GLIPR1L1: variants seen among roughly 807,000 people sequenced by gnomAD.
GLIPR1L1 encodes GLIPR1 like 1.
A neutral mutation model predicts 29.9 loss-of-function variants in GLIPR1L1; 26 were observed. That is an observed-to-expected ratio of 0.87 (90% CI 0.64 to 1.21). The LOEUF is 1.21. GLIPR1L1 is among the 50% of genes most tolerant of loss of function. The pLI is 0.00. For missense variants in GLIPR1L1, 305 were observed against 290.3 expected, an observed-to-expected ratio of 1.05 and a Z score of -0.37; for synonymous variants, 77 against 97.5, an observed-to-expected ratio of 0.79 and a Z score of 1.24.
intron 3 of GLIPR1L1, among the ~76,000 whole-genome samples, chr12:75,355,970 G>A (rs1036114435): frequency 1.3e-5 from 2 of 152,124 alleles, no homozygotes; most frequent in Admixed American, 1.3e-4. Flanking sequence ...ACACACTGGG[G>A]CCTGTTGGGG....
At chr12:75,364,728 C>A (rs2043849954) in intron 4 of GLIPR1L1, 1 of 152,112 alleles carries the variant, frequency 6.6e-6, no homozygotes, top group Non-Finnish European at 1.5e-5. Context: ...TTATTAAAAC[C>A]TTTTAAGCTA....
chr12:75,349,697 C>A (rs1377611607), intron 3 of GLIPR1L1, among the ~76,000 whole-genome samples: 2 of 151,528 alleles, frequency 1.3e-5, no homozygotes, highest in Non-Finnish European at 2.9e-5. Context: ...TTAGACATTC[C>A]AGAAAAAAAG....
intron 4 of GLIPR1L1, among the ~76,000 whole-genome samples, chr12:75,364,163 G>T (rs2043807844): frequency 6.6e-6 from 1 of 152,170 alleles, no homozygotes. Context: ...ATCTGTATTG[G>T]TGTTAATGCT....
In GLIPR1L1 at chr12:75,370,119, TC is replaced by T. The variant is rs2044262855; in HGVS notation, c.673del (p.Gln225SerfsTer10). ...TTCTGAAGCCAACGGGGAGAGCACC[TC>T]AGCAGACAGCCTTTAATCCATTCAG... ...PFLKPTGRAP[Q>X]QTAFNPFSLG... On this transcript the variant is annotated frameshift_variant, in exon 6 of 6. Coordinates refer to ENST00000378695, the MANE Select transcript of GLIPR1L1 (RefSeq NM_001304964.2). LOFTEE classifies it low-confidence loss of function (END_TRUNC). 6 of 1,608,202 alleles carry T rather than the reference TC, an allele frequency of 3.7e-6. No homozygotes were observed. Among genetic ancestry groups the T allele is most frequent in the Non-Finnish European group, 5.1e-6 (6 of 1,176,416 alleles).
chr12:75,342,597 T>C (rs1285542900), intron 1 of GLIPR1L1, among the ~76,000 whole-genome samples: 1 of 152,204 alleles, frequency 6.6e-6, no homozygotes, highest in Non-Finnish European at 1.5e-5. Context: ...TGTAGCTTTA[T>C]GATAAATATT....
At chr12:75,359,560 T>G (rs1443962123) in intron 3 of GLIPR1L1, among the ~76,000 whole-genome samples, 2 of 152,048 alleles carry the variant, frequency 1.3e-5, no homozygotes, top group East Asian at 3.9e-4. Flanking sequence ...TTTCAAGTGC[T>G]AATAATATGG....
chr12:75,367,986 T>C (rs1405961137), intron 4 of GLIPR1L1, among the ~76,000 whole-genome samples: 2 of 152,096 alleles, frequency 1.3e-5, no homozygotes, highest in Admixed American at 6.6e-5. Context: ...TTTTGCTGAG[T>C]TTTTAATTTG....
At chr12:75,369,291 CATT>C in intron 4 of GLIPR1L1, among the ~76,000 whole-genome samples, 1 of 151,782 alleles carries the variant, frequency 6.6e-6, no homozygotes, top group Non-Finnish European at 1.5e-5. Flanking sequence ...TCATCGCTGA[CATT>C]ATCATTTTTA....
rs368549384 is a variant in GLIPR1L1, at chr12:75,367,130, C to T, written c.611-2830C>T. ...GTAATGGAGAAGACACTTTAGAATACACCTCCAAAGTGGAAACCAAATAGG... is the reference window on the plus strand; with the variant it reads ...GTAATGGAGAAGACACTTTAGAATATACCTCCAAAGTGGAAACCAAATAGG... On this transcript the variant is annotated intron_variant, in intron 4 of 5. Transcript: ENST00000378695. The T allele has an allele frequency of 3.0e-5, 20 of 662,726 alleles. No individual in the cohort carries two copies. The East Asian group carries it at 3.8e-4, about 13-fold the overall frequency. 41.1% of individuals were successfully genotyped at this position (662,726 alleles called of 1,614,324 possible). A position where few individuals can be genotyped will look rare whatever the true frequency, so the allele number is the denominator to read the frequency against.
chr12:75,350,365 T>C (rs1786436211), intron 3 of GLIPR1L1, among the ~76,000 whole-genome samples: 1 of 152,214 alleles, frequency 6.6e-6, no homozygotes, highest in African/African-American at 2.4e-5. Flanking sequence ...CTTATTTAAG[T>C]GGGTCCTTTA....
At chr12:75,354,342 A>T (rs890031576) in intron 3 of GLIPR1L1, among the ~76,000 whole-genome samples, 2 of 152,128 alleles carry the variant, frequency 1.3e-5, no homozygotes, top group Non-Finnish European at 2.9e-5. Flanking sequence ...CCAACAACAG[A>T]CAAGCAGAAA....
Position 75,369,961 on chromosome 12 carries a change from G to T in GLIPR1L1, c.612G>T (p.Arg204Ser), listed in dbSNP as rs780568870. The T allele has an allele frequency of 5.0e-5, 55 of 1,090,134 alleles. No homozygotes were observed. Among genetic ancestry groups the T allele is most frequent in the Non-Finnish European group, 6.4e-5 (50 of 775,490 alleles). The allele number at this position is 1,090,134 out of a possible 1,614,324, so 67.5% of individuals were successfully genotyped here. ...TATTAACTTTAATTTTTACTTTAGG[G>T]ACTCCACAACTTATTATACCTAACC... ...KEEKCVKNLC[R>S]TPQLIIPNQN... Residue 204 changes from arginine to serine, a missense_variant and splice_region_variant, in exon 5 of 6, where the codon AGG (arginine) becomes AGT (serine). Arg to Ser is a moderately radical substitution (Grantham distance 110). Coordinates refer to ENST00000378695, the MANE Select transcript of GLIPR1L1 (RefSeq NM_001304964.2).
chr12:75,360,739 T>A (rs1022100625), intron 3 of GLIPR1L1: 1 of 152,250 alleles, frequency 6.6e-6, no homozygotes, highest in African/African-American at 2.4e-5. Context: ...CACTAGGCAG[T>A]GTGCCAGTGG....
At chr12:75,365,384 A>C (rs2043897039) in intron 4 of GLIPR1L1, 1 of 152,220 alleles carries the variant, frequency 6.6e-6, no homozygotes, top group South Asian at 2.1e-4. Context: ...AAACTATTCC[A>C]CTAGGGCACT....
intron 3 of GLIPR1L1, among the ~76,000 whole-genome samples, chr12:75,352,270 A>T (rs575982178): frequency 6.6e-6 from 1 of 152,368 alleles, no homozygotes; most frequent in South Asian, 2.1e-4. Context: ...CCCATCTCAC[A>T]TGCAAAGACA....
intron 1 of GLIPR1L1, among the ~76,000 whole-genome samples, chr12:75,337,374 G>A (rs181696269): frequency 6.6e-6 from 1 of 151,528 alleles, no homozygotes; most frequent in Admixed American, 6.6e-5. Flanking sequence ...AATGAAGAAA[G>A]ACACAACTCA....
intron 1 of GLIPR1L1, among the ~76,000 whole-genome samples, chr12:75,336,799 T>G (rs969441035): frequency 5.3e-5 from 8 of 151,910 alleles, no homozygotes; most frequent in South Asian, 4.1e-4. Flanking sequence ...ATTAAACAAT[T>G]TATACCACAC....
At chr12:75,367,544 C>A (rs2044062474) in intron 4 of GLIPR1L1, among the ~76,000 whole-genome samples, 1 of 151,710 alleles carries the variant, frequency 6.6e-6, no homozygotes, top group Non-Finnish European at 1.5e-5. Context: ...TCTTGCACAT[C>A]AAATTATATT....
intron 4 of GLIPR1L1, among the ~76,000 whole-genome samples, chr12:75,369,109 A>ATATTATATTAAACCATCT: frequency 6.6e-6 from 1 of 151,974 alleles, no homozygotes; most frequent in African/African-American, 2.4e-5. Flanking sequence ...TTATATATGT[A>ATATTATATTAAACCATCT]GACCTTGGAG....
Sources: allele counts gnomAD v4.1 joint callset (sites outside exome capture counted in the v4.1 genomes callset), GRCh38; gene constraint gnomAD v4.1.1; transcripts MANE v1.5; gene names NCBI Gene and HGNC (gene_info 2026-07-23, HGNC 2026-07-21).